MAP4: variants seen among roughly 807,000 people sequenced by gnomAD.
MAP4 encodes microtubule associated protein 4.
MAP4 carries 76 observed loss-of-function variants against 170.2 expected under a neutral mutation model. The ratio of observed to expected loss-of-function variants is 0.45; its 90% CI spans 0.37 to 0.54. The LOEUF (loss-of-function observed/expected upper bound fraction) is 0.54. MAP4 is among the 20% of genes least tolerant of loss of function. MAP4 has a pLI of 0.00. For missense variants in MAP4, 2,506 were observed against 2,748.0 expected, an observed-to-expected ratio of 0.91 and a Z score of 1.97; for synonymous variants, 909 against 994.5, an observed-to-expected ratio of 0.91 and a Z score of 1.62.
At chr3:47,936,801 A>AG (rs950404731) in intron 3 of MAP4, among the ~76,000 whole-genome samples, 7 of 151,776 alleles carry the variant, frequency 4.6e-5, no homozygotes, top group African/African-American at 1.5e-4. Context: ...GCCAACATGG[A>AG]GAAACCCCGT....
chr3:48,087,879 G>T (rs368024457), intron 1 of MAP4, among the ~76,000 whole-genome samples: 1 of 152,056 alleles, frequency 6.6e-6, no homozygotes, highest in African/African-American at 2.4e-5. Context: ...GAGAAAAGGG[G>T]GTTTCCAGTA....
At chr3:48,012,080 T>A (rs2100105597) in intron 1 of MAP4, among the ~76,000 whole-genome samples, 1 of 152,162 alleles carries the variant, frequency 6.6e-6, no homozygotes, top group Non-Finnish European at 1.5e-5. Context: ...ACCTACCCTT[T>A]CCTAATTGGT....
chr3:47,917,068 A>G lies in MAP4; in HGVS notation c.759T>C (p.Ser253=). The part of the protein sequence containing the change: ...MGLKTTDMAP[S]KETEMALAKD... Reference sequence around the variant, plus strand: ...TGGCGAGGGCCATCTCTGTTTCTTTAGATGGTGCCATGTCAGTAGTCTTCA... The same window carrying G: ...TGGCGAGGGCCATCTCTGTTTCTTTGGATGGTGCCATGTCAGTAGTCTTCA... The change falls in exon 7 of 21, where the codon TCT becomes TCC. Residue 253 remains serine, a synonymous_variant. Coordinates refer to ENST00000683076, the MANE Select transcript of MAP4 (RefSeq NM_001385682.1). 6.2e-7 allele frequency: 1 copy of G among 1,614,146 alleles called. No homozygotes were observed.
chr3:48,008,654 G>A (rs2100103699), intron 1 of MAP4, among the ~76,000 whole-genome samples: 1 of 152,204 alleles, frequency 6.6e-6, no homozygotes, highest in Admixed American at 6.5e-5. Context: ...TCCCATGTGA[G>A]TGCTCACCAA....
intron 1 of MAP4, among the ~76,000 whole-genome samples, chr3:48,038,707 G>A (rs142356180): frequency 0.086 from 13,055 of 152,152 alleles, 1,858 homozygotes; most frequent in African/African-American, 0.29. Context: ...TGATCCGCCC[G>A]CCTCGGCCTC....
chr3:48,056,635 C>T (rs1302692341), intron 1 of MAP4, among the ~76,000 whole-genome samples: 34 of 127,786 alleles, frequency 2.7e-4, no homozygotes, highest in Admixed American at 7.1e-4. Flanking sequence ...AGCCCCCCGC[C>T]CGGCCAGCCG....
intron 1 of MAP4, among the ~76,000 whole-genome samples, chr3:48,088,471 G>C (rs1579963548): frequency 6.6e-6 from 1 of 152,066 alleles, no homozygotes; most frequent in East Asian, 1.9e-4. Context: ...GCCCCATCCA[G>C]AGCCCAAGGC....
intron 1 of MAP4, among the ~76,000 whole-genome samples, chr3:48,074,676 T>TTTTGCGTGTGTGTG (rs746281743): frequency 1.1e-5 from 1 of 90,640 alleles, no homozygotes; most frequent in African/African-American, 4.9e-5. Flanking sequence ...ATCCAGCTAA[T>TTTTGCGTGTGTGTG]TGTGTGTGTG....
intron 2 of MAP4, chr3:47,987,330 T>C (rs1027205913): frequency 2.3e-6 from 3 of 1,307,236 alleles, no homozygotes; most frequent in South Asian, 2.7e-5. Context: ...TTAATTATGA[T>C]CTTACAAGTA....
At chr3:47,952,362 C>T (rs1385909195) in intron 3 of MAP4, among the ~76,000 whole-genome samples, 4 of 152,092 alleles carry the variant, frequency 2.6e-5, no homozygotes, top group African/African-American at 7.2e-5. Flanking sequence ...CCCCTCTGCC[C>T]GGCCACCACC....
At chr3:48,054,554 C>G (rs1047196536) in intron 1 of MAP4, among the ~76,000 whole-genome samples, 1 of 140,694 alleles carries the variant, frequency 7.1e-6, no homozygotes, top group Admixed American at 7.8e-5. Flanking sequence ...CACTTGAACT[C>G]GAGAGGCAGA....
chr3:48,072,364 G>A (rs1437998435), intron 1 of MAP4, among the ~76,000 whole-genome samples: 5 of 151,978 alleles, frequency 3.3e-5, no homozygotes, highest in African/African-American at 1.2e-4. Flanking sequence ...ACCTGGGTGT[G>A]GCAGCGTGTG....
intron 3 of MAP4, among the ~76,000 whole-genome samples, chr3:47,965,818 T>C (rs1330864962): frequency 6.6e-6 from 1 of 152,162 alleles, no homozygotes; most frequent in Admixed American, 6.6e-5. Context: ...GATTTGCAAA[T>C]ATTTTGCCTC....
Position 47,870,914 on chromosome 3 carries a change from G to A in MAP4, c.6193C>T (p.Leu2065Phe). 2.5e-6 allele frequency: 4 copies of A among 1,614,038 alleles called. No individual in the cohort carries two copies. The highest frequency in any genetic ancestry group is 1.1e-5 in the South Asian group (1 of 91,038). ...SAKPSSTTPR[L>F]SRLATNTSAP... ...GAAGTATTGGTGGCCAGGCGGCTGA[G>A]CCGGGGGGTGGTGGAGCTGGGTTTG... Residue 2065 changes from leucine to phenylalanine, a missense_variant, in exon 15 of 21, where the codon CTC becomes TTC. Physicochemically the swap from Leu to Phe is conservative, Grantham distance 22 (BLOSUM62 0). This residue lies in a region of MAP4 where 487 missense variants were observed against 511.6 expected (regional missense o/e 0.95). Transcript: ENST00000683076.
intron 10 of MAP4, chr3:47,892,584 C>T (rs1441166991): frequency 7.0e-7 from 1 of 1,433,116 alleles, no homozygotes. Flanking sequence ...ACACCAATTC[C>T]CCAGTATTCA....
chr3:48,070,755 C>A (rs1579789340), intron 1 of MAP4, among the ~76,000 whole-genome samples: 1 of 150,886 alleles, frequency 6.6e-6, no homozygotes, highest in African/African-American at 2.4e-5. Context: ...AATCCCAGCA[C>A]TTTGGGAGGC....
Position 47,917,120 on chromosome 3 carries a change from G to T in MAP4, c.707C>A (p.Ala236Glu), listed in dbSNP as rs560082926. Residue 236 changes from alanine (A) to glutamate (E), a missense_variant, in exon 7 of 21, where the codon GCA becomes GAA. Physicochemically the swap from Ala to Glu is moderately radical, Grantham distance 107. Transcript: ENST00000683076. ...IEMASEERPP[A>E]QALEIMMGLK... Reference sequence around the variant, plus strand: ...TCCCATCATTATTTCCAATGCTTGTGCTGGTGGCCTCTCTTCTGATGCCAT... The same window carrying T: ...TCCCATCATTATTTCCAATGCTTGTTCTGGTGGCCTCTCTTCTGATGCCAT... The T allele has an allele frequency of 1.2e-6, 2 of 1,614,068 alleles. No homozygotes were observed. Among genetic ancestry groups the T allele is most frequent in the East Asian group, 4.5e-5 (2 of 44,890 alleles).
At chr3:48,061,085 T>A (rs540888724) in intron 1 of MAP4, among the ~76,000 whole-genome samples, 1 of 152,132 alleles carries the variant, frequency 6.6e-6, no homozygotes, top group East Asian at 1.9e-4. Flanking sequence ...GACCTCGTAA[T>A]CCACCCACCT....
chr3:48,085,247 T>C (rs2100148519), intron 1 of MAP4, among the ~76,000 whole-genome samples: 3 of 147,652 alleles, frequency 2.0e-5, no homozygotes, highest in African/African-American at 7.4e-5. Context: ...GAGCAAAAGT[T>C]TACAGAGCCA....
Sources: allele counts gnomAD v4.1 joint callset (sites outside exome capture counted in the v4.1 genomes callset), GRCh38; gene constraint gnomAD v4.1.1; regional missense constraint gnomAD v4.1.1; transcripts MANE v1.5; gene names NCBI Gene and HGNC (gene_info 2026-07-23, HGNC 2026-07-21).